Variants in MYO3A observed in about 807,000 individuals in gnomAD.
MYO3A encodes the protein myosin-IIIa.
Under a neutral mutation model 192.7 loss-of-function variants are expected in MYO3A, and 180 were observed. That is an observed-to-expected ratio of 0.93 (90% confidence interval 0.83 to 1.06). MYO3A has a LOEUF of 1.06. Ranked by LOEUF, MYO3A falls within the 50% of genes least tolerant of loss-of-function variation. The probability of loss-of-function intolerance (pLI) is 0.00; values close to 1 mark genes in which losing one functional copy is unlikely to be tolerated. For synonymous variants in MYO3A, 628 were observed against 645.3 expected (o/e 0.97, Z 0.41); for missense variants, 1,896 against 1,905.0 (o/e 1.00, Z 0.09).
In MYO3A at chr10:26,125,415, A is replaced by G. The variant is rs369319547; in HGVS notation, c.1921A>G (p.Ile641Val). The G allele has an allele frequency of 1.6e-5, 26 of 1,614,036 alleles. No individual in the cohort carries two copies. Among genetic ancestry groups the G allele is most frequent in the Non-Finnish European group, 1.7e-5 (20 of 1,179,916 alleles). Reference sequence around the variant, plus strand: ...TTTTTCAGGTGCTTCTTTGCTTTGCATTCGGGCAGATGAGCTACAAGAAGC... The same window carrying G: ...TTTTTCAGGTGCTTCTTTGCTTTGCGTTCGGGCAGATGAGCTACAAGAAGC... ...ALENCASLLC[I>V]RADELQEALT... The change falls in exon 19 of 35, where the codon ATT becomes GTT. Residue 641 changes from isoleucine to valine, a missense_variant. Physicochemically the swap from Ile to Val is conservative, Grantham distance 29. Coordinates refer to ENST00000642920, the MANE Select transcript of MYO3A (RefSeq NM_017433.5).
chr10:26,010,146 T>C (rs1045391167), intron 6 of MYO3A, among the ~76,000 whole-genome samples: 79 of 152,334 alleles, frequency 5.2e-4, no homozygotes, highest in African/African-American at 1.9e-3. Flanking sequence ...TATAATTATC[T>C]TTATTATCAG....
At chr10:26,208,239 T>C (rs1260183791) in intron 34 of MYO3A, among the ~76,000 whole-genome samples, 1 of 152,078 alleles carries the variant, frequency 6.6e-6, no homozygotes, top group Non-Finnish European at 1.5e-5. Flanking sequence ...GTGGGGTGTT[T>C]AGGGCATAAG....
intron 18 of MYO3A, among the ~76,000 whole-genome samples, chr10:26,123,083 AAC>A (rs1415734517): frequency 1.3e-5 from 2 of 152,218 alleles, no homozygotes; most frequent in African/African-American, 4.8e-5. Flanking sequence ...ATGAATTCCA[AAC>A]ACACATAAAT....
chr10:26,085,978 C>A (rs1836280281), intron 14 of MYO3A, among the ~76,000 whole-genome samples: 1 of 152,068 alleles, frequency 6.6e-6, no homozygotes, highest in Non-Finnish European at 1.5e-5. Flanking sequence ...TTTTGCTGTT[C>A]TCCAGTGTGC....
chr10:26,009,075 T>C (rs1841439093), intron 6 of MYO3A, among the ~76,000 whole-genome samples: 1 of 152,050 alleles, frequency 6.6e-6, no homozygotes, highest in Admixed American at 6.6e-5. Context: ...ATGTCCTTTT[T>C]AGGGACGTGG....
chr10:26,166,067 G>A lies in MYO3A; in HGVS notation c.3000G>A (p.Arg1000=), dbSNP rs764081367. The change falls in exon 27 of 35, where the codon CGG becomes CGA. Residue 1000 remains arginine (R), a splice_region_variant and synonymous_variant. Transcript: ENST00000642920. ...HRILFANFIK[R]YYLLCYKSSE... ...AACCAGCCCTTTTTTCCATTCCAAG[G>A]TACTACCTTCTCTGCTACAAGTCGA... 3 of 1,613,508 alleles carry A rather than the reference G, an allele frequency of 1.9e-6. No individual in the cohort carries two copies. The highest frequency in any genetic ancestry group is 3.3e-5 in the Admixed American group (2 of 60,000).
intron 15 of MYO3A, among the ~76,000 whole-genome samples, chr10:26,091,426 G>T (rs371898367): frequency 9.2e-5 from 14 of 152,174 alleles, no homozygotes; most frequent in Non-Finnish European, 1.5e-5. Context: ...AGAATAAGAT[G>T]AACCTATTGA....
chr10:26,124,098 A>T (rs182294295), intron 18 of MYO3A, among the ~76,000 whole-genome samples: 2 of 148,524 alleles, frequency 1.3e-5, no homozygotes, highest in Non-Finnish European at 3.0e-5. Context: ...CTGAAGTAGG[A>T]GGATCTCTTG....
chr10:26,001,515 C>G (rs1433836121), intron 6 of MYO3A, among the ~76,000 whole-genome samples: 1 of 152,174 alleles, frequency 6.6e-6, no homozygotes, highest in Non-Finnish European at 1.5e-5. Flanking sequence ...GGAGGAGCCA[C>G]AGGAAGTGCT....
rs768484698 is a variant in MYO3A, at chr10:26,176,878, G to A, written c.4438+33G>A. 3 of 1,607,996 alleles carry A rather than the reference G, an allele frequency of 1.9e-6. No homozygotes were observed. In the South Asian group the frequency reaches 3.3e-5, roughly 18 times the overall value. ...TCAGTAGAGTTAGAACTTCCTGAAT[G>A]GGAAGGAAATGCCAGATACTTTGTT... On this transcript the variant is annotated intron_variant, in intron 31 of 34. Transcript: ENST00000642920.
At position 26,170,529 on chromosome 10, in the gene MYO3A, G is replaced by GA; in HGVS notation, c.3392dup (p.Asn1131LysfsTer18). ...GGAATTCGACTACAAGAAAAACTTT[G>GA]AAAATACAAGGTATAATGATGTTCA... On this transcript the variant is annotated frameshift_variant, in exon 29 of 35. Transcript: ENST00000642920. LOFTEE classifies it high-confidence loss of function. 3.7e-6 allele frequency: 6 copies of GA among 1,610,876 alleles called. No individual in the cohort carries two copies. Among genetic ancestry groups the GA allele is most frequent in the Non-Finnish European group, 5.1e-6 (6 of 1,178,392 alleles).
rs549254777 is a variant in MYO3A at position 25,991,000 on chromosome 10, T to G, written c.304-5490T>G. ...GTGTGCATGTGTCTTTATAGCAGCA[T>G]GATTTACAATCCTTTGTGTATATAC... On this transcript the variant is annotated intron_variant, in intron 4 of 34. Transcript: ENST00000642920. 9.8e-5 allele frequency among the ~76,000 whole-genome samples: 15 copies of G among 152,350 alleles called. 1 individual carries two copies. In the South Asian group the frequency reaches 3.1e-3, roughly 32 times the overall value.
At chr10:26,098,712 A>G (rs1261423987) in intron 17 of MYO3A, among the ~76,000 whole-genome samples, 1 of 152,228 alleles carries the variant, frequency 6.6e-6, no homozygotes, top group Non-Finnish European at 1.5e-5. Context: ...GTCAAAGATC[A>G]GATGGTTGTA....
At chr10:25,962,720 G>A (rs535153197) in intron 4 of MYO3A, among the ~76,000 whole-genome samples, 13 of 152,246 alleles carry the variant, frequency 8.5e-5, no homozygotes, top group South Asian at 6.2e-4. Flanking sequence ...GTGGAGGGGA[G>A]CTGGGAAGAT....
At position 25,974,915 on chromosome 10, in the gene MYO3A, T is replaced by C. The variant is rs564250823; in HGVS notation, c.303+19907T>C. On this transcript the variant is annotated intron_variant, in intron 4 of 34. Coordinates refer to ENST00000642920, the MANE Select transcript of MYO3A (RefSeq NM_017433.5). Reference sequence around the variant, plus strand: ...CAGCATTATACTGTCAACTGAAGAATTGGAAGATTCATACATTTGGAAAAG... The same window carrying C: ...CAGCATTATACTGTCAACTGAAGAACTGGAAGATTCATACATTTGGAAAAG... Among the ~76,000 whole-genome samples the C allele has an allele frequency of 4.6e-5, 7 of 152,290 alleles. No homozygotes were observed. In the East Asian group the frequency reaches 1.3e-3, roughly 29 times the overall value.
At chr10:26,075,728 TATATATGTCTCTCATATATATG>T (rs1227213503) in intron 14 of MYO3A, among the ~76,000 whole-genome samples, 1 of 145,110 alleles carries the variant, frequency 6.9e-6, no homozygotes, top group African/African-American at 2.6e-5. Context: ...ATATATATGA[TATATATGTCTCTCATATATATG>T]ATATATATAT....
chr10:26,005,741 A>G lies in MYO3A; in HGVS notation c.508+8483A>G, dbSNP rs1841159371. Among the ~76,000 whole-genome samples the G allele has an allele frequency of 2.0e-5, 3 of 152,226 alleles. No individual in the cohort carries two copies. In the South Asian group the frequency reaches 6.2e-4, roughly 32 times the overall value. On this transcript the variant is annotated intron_variant, in intron 6 of 34. Coordinates refer to ENST00000642920, the MANE Select transcript of MYO3A (RefSeq NM_017433.5). The stretch of plus-strand genomic sequence containing the variant: ...ATTAGTTGAATGTTATGAATCTTGA[A>G]AATTTGAGAGCTAGTGCTTTATAGA...
At chr10:26,119,937 C>T (rs1838748191) in intron 17 of MYO3A, among the ~76,000 whole-genome samples, 1 of 151,148 alleles carries the variant, frequency 6.6e-6, no homozygotes. Context: ...GGGCAGATCG[C>T]TTGAGCCCAG....
intron 32 of MYO3A, among the ~76,000 whole-genome samples, chr10:26,198,106 A>T (rs1248088036): frequency 6.6e-6 from 1 of 152,220 alleles, no homozygotes; most frequent in Non-Finnish European, 1.5e-5. Context: ...CAACACAAAC[A>T]TCTCTGCTTT....
Sources: gnomAD v4.1 joint callset for allele counts (sites outside exome capture counted in the v4.1 genomes callset) on GRCh38, gnomAD v4.1.1 for gene constraint, MANE v1.5 for transcripts, NCBI Gene and HGNC (gene_info 2026-07-23, HGNC 2026-07-21) for gene names.